The following CSMD3 variants were observed in gnomAD, a reference collection of about 807,000 sequenced individuals.
CSMD3 encodes CUB and Sushi multiple domains 3.
Under a neutral mutation model 435.2 loss-of-function variants are expected in CSMD3, and 177 were observed. That is an observed-to-expected ratio of 0.41 (90% CI 0.36 to 0.46). The LOEUF (loss-of-function observed/expected upper bound fraction) is 0.46. Ranked by LOEUF, CSMD3 falls within the 20% of genes least tolerant of loss-of-function variation. The pLI, the probability that CSMD3 is intolerant of heterozygous loss-of-function variation, is 0.34. For synonymous variants in CSMD3, 1,656 were observed against 1,520.5 expected (o/e 1.09, Z -2.07); for missense variants, 4,265 against 4,504.6 (o/e 0.95, Z 1.52).
intron 13 of CSMD3, among the ~76,000 whole-genome samples, chr8:112,733,870 C>CATA (rs992106339): frequency 3.3e-5 from 5 of 151,896 alleles, no homozygotes; most frequent in African/African-American, 9.6e-5. Flanking sequence ...GTAAAACATA[C>CATA]ATAATAATAA....
At chr8:113,117,530 C>A (rs1018729138) in intron 4 of CSMD3, among the ~76,000 whole-genome samples, 4 of 152,194 alleles carry the variant, frequency 2.6e-5, no homozygotes, top group African/African-American at 9.6e-5. Context: ...TGAGTCACCA[C>A]ACAGAGTACT....
chr8:112,309,825 G>C (rs1425771993), intron 50 of CSMD3, among the ~76,000 whole-genome samples: 1 of 152,054 alleles, frequency 6.6e-6, no homozygotes, highest in African/African-American at 2.4e-5. Context: ...CATTTCAAGT[G>C]CCTGGTAATA....
At chr8:112,927,280 T>C (rs2082941639) in intron 9 of CSMD3, among the ~76,000 whole-genome samples, 1 of 151,164 alleles carries the variant, frequency 6.6e-6, no homozygotes, top group Non-Finnish European at 1.5e-5. Context: ...GAAAACCACT[T>C]AAGCTCTACA....
intron 24 of CSMD3, among the ~76,000 whole-genome samples, chr8:112,568,174 T>C (rs1384470799): frequency 6.6e-6 from 1 of 152,146 alleles, no homozygotes; most frequent in African/African-American, 2.4e-5. Context: ...CACACTTTAA[T>C]TGTCAGATCA....
Position 112,368,883 on chromosome 8 carries a change from A to G in CSMD3, c.6136+11469T>C, listed in dbSNP as rs1187483104. Among the ~76,000 whole-genome samples the G allele has an allele frequency of 2.6e-5, 4 of 152,170 alleles. No homozygotes were observed. The East Asian group carries it at 7.7e-4, about 29-fold the overall frequency. On this transcript the variant is annotated intron_variant, in intron 38 of 70. Transcript: ENST00000297405. ...GCCTCACAGTAATTTAAAAAAATAA[A>G]ACAAAAATACCTCTATGAAACATTT...
In CSMD3 at chr8:112,319,916, C is replaced by T. The variant is rs778257874; in HGVS notation, c.7231G>A (p.Asp2411Asn). 1.2e-6 allele frequency: 2 copies of T among 1,610,948 alleles called. No individual in the cohort carries two copies. The highest frequency in any genetic ancestry group is 2.2e-5 in the South Asian group (2 of 91,000). Reference protein sequence around the residue: ...VPNAEILTEDDEFEIGDIIRY... With the variant: ...VPNAEILTEDNEFEIGDIIRY... ...ACAGCTTTACCTATTTCAAATTCAT[C>T]ATCTTCCGTCAAAATTTCAGCATTG... Residue 2411 changes from aspartate (D) to asparagine (N), a missense_variant, in exon 46 of 71, where the codon GAT becomes AAT. Around this residue, in one of 3 missense-constraint regions of CSMD3, gnomAD observed 3,255 missense variants for 3,380.2 expected, o/e 0.96. Coordinates refer to ENST00000297405, the MANE Select transcript of CSMD3 (RefSeq NM_198123.2).
chr8:112,754,521 C>G (rs1350246680), intron 13 of CSMD3, among the ~76,000 whole-genome samples: 3 of 151,680 alleles, frequency 2.0e-5, no homozygotes, highest in Non-Finnish European at 2.9e-5. Context: ...AGGGTTCTAA[C>G]AGGAAAACAG....
intron 6 of CSMD3, among the ~76,000 whole-genome samples, chr8:112,978,493 G>T (rs2084933871): frequency 1.3e-5 from 2 of 151,868 alleles, no homozygotes; most frequent in Admixed American, 6.6e-5. Flanking sequence ...TTTGGAGTTA[G>T]AACTGATCTT....
chr8:112,276,387 G>C (rs1818046202), intron 59 of CSMD3, among the ~76,000 whole-genome samples: 1 of 152,148 alleles, frequency 6.6e-6, no homozygotes, highest in Non-Finnish European at 1.5e-5. Context: ...GAGTATGAAG[G>C]ACAGTGACCC....
intron 37 of CSMD3, among the ~76,000 whole-genome samples, chr8:112,380,976 C>T (rs1829418439): frequency 6.6e-6 from 1 of 152,068 alleles, no homozygotes; most frequent in South Asian, 2.1e-4. Context: ...TTTTAACTGC[C>T]TGTATGTACC....
chr8:113,348,737 GTTTT>G (rs1016174982), intron 1 of CSMD3, among the ~76,000 whole-genome samples: 1 of 151,778 alleles, frequency 6.6e-6, no homozygotes, highest in South Asian at 2.1e-4. Context: ...TTGTTTTGGG[GTTTT>G]TTTATTTGTT....
intron 13 of CSMD3, among the ~76,000 whole-genome samples, chr8:112,700,216 G>A (rs945928394): frequency 1.3e-5 from 2 of 152,206 alleles, no homozygotes; most frequent in African/African-American, 2.4e-5. Context: ...AAAAGGTAGA[G>A]TCAGCTGGGC....
chr8:112,679,967 C>T (rs2075851967), intron 16 of CSMD3, among the ~76,000 whole-genome samples: 2 of 152,218 alleles, frequency 1.3e-5, no homozygotes, highest in African/African-American at 4.8e-5. Context: ...TCAGATCCAA[C>T]TCACTGTGTC....
intron 1 of CSMD3, among the ~76,000 whole-genome samples, chr8:113,410,340 T>G (rs1457280248): frequency 6.6e-6 from 1 of 152,214 alleles, no homozygotes; most frequent in Non-Finnish European, 1.5e-5. Flanking sequence ...TGCTAATTGA[T>G]TTATGCTTCC....
chr8:112,987,080 A>T (rs1398082629), intron 6 of CSMD3, among the ~76,000 whole-genome samples: 7 of 152,056 alleles, frequency 4.6e-5, no homozygotes, highest in Admixed American at 3.9e-4. Flanking sequence ...ATTTAAAGTA[A>T]GAGTGTTCTA....
At chr8:112,767,120 T>C (rs1052596142) in intron 13 of CSMD3, among the ~76,000 whole-genome samples, 3 of 151,688 alleles carry the variant, frequency 2.0e-5, no homozygotes, top group Non-Finnish European at 4.4e-5. Flanking sequence ...GGAGTAATAA[T>C]ATAGGAAAAC....
At chr8:112,342,469 G>A (rs1280713245) in intron 41 of CSMD3, among the ~76,000 whole-genome samples, 2 of 151,840 alleles carry the variant, frequency 1.3e-5, no homozygotes, top group African/African-American at 2.4e-5. Context: ...CTGATATTTG[G>A]TGAAAGTTTT....
chr8:112,594,744 A>C (rs952837435), intron 22 of CSMD3, among the ~76,000 whole-genome samples: 2 of 152,320 alleles, frequency 1.3e-5, no homozygotes, highest in South Asian at 2.1e-4. Flanking sequence ...GGCACCCCCC[A>C]GTAGGGGCAC....
intron 4 of CSMD3, among the ~76,000 whole-genome samples, chr8:113,170,061 A>C (rs974108833): frequency 6.6e-6 from 1 of 152,156 alleles, no homozygotes; most frequent in Non-Finnish European, 1.5e-5. Context: ...AAGCATCAAA[A>C]GAACTCTCTA....
Sources: gnomAD v4.1 joint callset for allele counts (sites outside exome capture counted in the v4.1 genomes callset) on GRCh38, gnomAD v4.1.1 for gene constraint, gnomAD v4.1.1 regional missense constraint, MANE v1.5 for transcripts, NCBI Gene and HGNC (gene_info 2026-07-23, HGNC 2026-07-21) for gene names.